Variants in GALNT17 observed in about 807,000 individuals in gnomAD.
The protein encoded by GALNT17 is UDP-GalNAc:polypeptide N-acetylgalactosaminyltransferase-like 3.
Under a neutral mutation model 63.7 loss-of-function variants are expected in GALNT17, and 29 were observed. The observed-to-expected ratio is 0.46, with a 90% CI of 0.34 to 0.62. The LOEUF (loss-of-function observed/expected upper bound fraction) is 0.62. Among genes scored for constraint, GALNT17 ranks in the 20% least tolerant of loss-of-function variants. GALNT17 has a pLI of 0.01. For synonymous variants in GALNT17, 305 were observed against 318.3 expected, an observed-to-expected ratio of 0.96 and a Z score of 0.45; for missense variants, 603 against 799.6, an observed-to-expected ratio of 0.75 and a Z score of 2.97.
chr7:71,667,804 A>AT (rs1352261116), intron 7 of GALNT17, among the ~76,000 whole-genome samples: 3 of 100,832 alleles, frequency 3.0e-5, no homozygotes, highest in Admixed American at 9.1e-5. Context: ...TATAAAGGGG[A>AT]ATTTTTTTTT....
At position 71,164,219 on chromosome 7, in the gene GALNT17, A is replaced by T. The variant is rs573147036; in HGVS notation, c.238+31179A>T. On this transcript the variant is annotated intron_variant, in intron 1 of 10. Coordinates refer to ENST00000333538, the MANE Select transcript of GALNT17 (RefSeq NM_022479.3). ...GATACTACCCGAGACTGCATTATTT[A>T]TAAAGAAAGGAGGTTTAATTGACTC... 2.6e-5 allele frequency among the ~76,000 whole-genome samples: 4 copies of T among 152,336 alleles called. No individual in the cohort carries two copies. The East Asian group carries it at 7.7e-4, about 29-fold the overall frequency.
chr7:71,388,505 G>GA, intron 3 of GALNT17, 104 bp downstream of exon 3: 4 of 1,354,642 alleles, frequency 3.0e-6, no homozygotes, highest in Non-Finnish European at 4.0e-6. Flanking sequence ...GGTCCCTGGA[G>GA]CATATCTGGG....
intron 6 of GALNT17, among the ~76,000 whole-genome samples, chr7:71,603,573 T>C (rs1006785064): frequency 1.3e-5 from 2 of 152,056 alleles, no homozygotes; most frequent in East Asian, 3.9e-4. Flanking sequence ...CTGTGCTACG[T>C]GCATATGCTG....
intron 1 of GALNT17, among the ~76,000 whole-genome samples, chr7:71,189,423 G>A (rs1788910139): frequency 6.6e-6 from 1 of 152,164 alleles, no homozygotes; most frequent in Non-Finnish European, 1.5e-5. Flanking sequence ...GTCAGAACTT[G>A]TTCTGCCAAC....
chr7:71,248,289 G>A (rs974257173), intron 1 of GALNT17, among the ~76,000 whole-genome samples: 2 of 152,148 alleles, frequency 1.3e-5, no homozygotes, highest in Admixed American at 6.5e-5. Flanking sequence ...TGATCCAGTC[G>A]CTTTCCACTA....
At chr7:71,371,027 G>A (rs1792612401) in intron 2 of GALNT17, among the ~76,000 whole-genome samples, 1 of 152,228 alleles carries the variant, frequency 6.6e-6, no homozygotes, top group Admixed American at 6.5e-5. Flanking sequence ...AGGTCAAGTT[G>A]TATCTTTCTT....
intron 5 of GALNT17, among the ~76,000 whole-genome samples, chr7:71,516,909 G>T (rs1299611231): frequency 2.0e-5 from 3 of 152,114 alleles, no homozygotes; most frequent in South Asian, 2.1e-4. Flanking sequence ...GGTCATGCTT[G>T]GTTTCTCTGC....
At chr7:71,602,335 T>C (rs1365846689) in intron 6 of GALNT17, among the ~76,000 whole-genome samples, 5 of 152,158 alleles carry the variant, frequency 3.3e-5, no homozygotes. Context: ...GGCTTTAGAT[T>C]CCAGTCCTGT....
chr7:71,592,604 T>TAAAATAAAATAAAATA (rs373519391), intron 6 of GALNT17, among the ~76,000 whole-genome samples: 16 of 147,044 alleles, frequency 1.1e-4, no homozygotes, highest in Non-Finnish European at 2.1e-4. Context: ...TAAAATAAAA[T>TAAAATAAAATAAAATA]AAATAAAGCA....
Position 71,442,780 on chromosome 7 carries a change from C to G in GALNT17, c.962+21675C>G, listed in dbSNP as rs1033890288. 3.3e-5 allele frequency among the ~76,000 whole-genome samples: 5 copies of G among 152,126 alleles called. 1 individual carries two copies. Among genetic ancestry groups the G allele is most frequent in the Admixed American group, 3.3e-4 (5 of 15,270 alleles). ...GTGAATAACATAACTACCAGTCACGCTTGATAAAGCAGTGGCCCCTTCAAA... is the reference window on the plus strand; with the variant it reads ...GTGAATAACATAACTACCAGTCACGGTTGATAAAGCAGTGGCCCCTTCAAA... On this transcript the variant is annotated intron_variant, in intron 5 of 10. Coordinates refer to ENST00000333538, the MANE Select transcript of GALNT17 (RefSeq NM_022479.3).
intron 1 of GALNT17, among the ~76,000 whole-genome samples, chr7:71,298,590 AC>A (rs1348513148): frequency 3.3e-5 from 5 of 151,984 alleles, no homozygotes; most frequent in Admixed American, 1.3e-4. Context: ...CTGGAGCCAG[AC>A]TGTCCTGCCT....
At chr7:71,512,036 CAG>C (rs1390041299) in intron 5 of GALNT17, among the ~76,000 whole-genome samples, 1 of 118,606 alleles carries the variant, frequency 8.4e-6, no homozygotes, top group Non-Finnish European at 1.6e-5. Context: ...TTTTTTGAGA[CAG>C]AGTTTCACTC....
chr7:71,635,991 C>T (rs1226792799), intron 6 of GALNT17, among the ~76,000 whole-genome samples: 1 of 152,180 alleles, frequency 6.6e-6, no homozygotes, highest in Admixed American at 6.5e-5. Context: ...CCTCCTGTCT[C>T]ATCCTGTGAC....
At chr7:71,697,438 G>C (rs1009016625) in intron 9 of GALNT17, among the ~76,000 whole-genome samples, 9 of 151,946 alleles carry the variant, frequency 5.9e-5, no homozygotes, top group Non-Finnish European at 1.5e-5. Context: ...GATGAGGGAG[G>C]GGAAGGGTGC....
intron 9 of GALNT17, among the ~76,000 whole-genome samples, chr7:71,693,629 A>C (rs7781898): frequency 0.71 from 106,193 of 150,546 alleles, 37,947 homozygotes; most frequent in East Asian, 0.86. Context: ...GGGAATAACA[A>C]ACACTGGGGC....
intron 2 of GALNT17, among the ~76,000 whole-genome samples, chr7:71,385,426 G>A (rs1164197348): frequency 1.3e-5 from 2 of 152,194 alleles, no homozygotes; most frequent in Non-Finnish European, 2.9e-5. Context: ...AGGCCTTGGT[G>A]CACAGTGGCT....
At position 71,132,934 on chromosome 7, in the gene GALNT17, G is replaced by A. The variant is rs375405409; in HGVS notation, c.132G>A (p.Pro44=). 6.2e-7 allele frequency: 1 copy of A among 1,611,172 alleles called. No individual in the cohort carries two copies. The highest frequency in any genetic ancestry group is 8.5e-7 in the Non-Finnish European group (1 of 1,179,420). The change falls in exon 1 of 11, where the codon CCG becomes CCA. Residue 44 remains proline (P), a synonymous_variant. Coordinates refer to ENST00000333538, the MANE Select transcript of GALNT17 (RefSeq NM_022479.3). The part of the protein sequence containing the change: ...RSGDAFHEIR[P]RAEVANLSAH... Reference sequence around the variant, plus strand: ...GAGACGCCTTCCACGAGATCCGGCCGCGCGCCGAGGTGGCCAACCTCAGCG... The same window carrying A: ...GAGACGCCTTCCACGAGATCCGGCCACGCGCCGAGGTGGCCAACCTCAGCG...
intron 1 of GALNT17, among the ~76,000 whole-genome samples, chr7:71,141,353 C>T (rs1165803695): frequency 2.0e-5 from 3 of 146,734 alleles, no homozygotes; most frequent in South Asian, 2.2e-4. Context: ...GGAGTCTGGG[C>T]GACAGAGCAA....
chr7:71,296,869 C>T (rs1367392716), intron 1 of GALNT17, among the ~76,000 whole-genome samples: 2 of 152,084 alleles, frequency 1.3e-5, no homozygotes, highest in Non-Finnish European at 2.9e-5. Flanking sequence ...ATAATTTTTT[C>T]GCTGCTGTGT....
Sources: gnomAD v4.1 joint callset for allele counts (sites outside exome capture counted in the v4.1 genomes callset) on GRCh38, gnomAD v4.1.1 for gene constraint, MANE v1.5 for transcripts, NCBI Gene and HGNC (gene_info 2026-07-23, HGNC 2026-07-21) for gene names.